ITCH: variants seen among roughly 807,000 people sequenced by gnomAD.
The protein encoded by ITCH is E3 ubiquitin-protein ligase Itchy homolog.
Under a neutral mutation model 126.8 loss-of-function variants are expected in ITCH, and 28 were observed. The observed-to-expected ratio is 0.22, with a 90% CI of 0.16 to 0.30. The LOEUF (loss-of-function observed/expected upper bound fraction) is 0.30. Among genes scored for constraint, ITCH ranks in the 10% least tolerant of loss-of-function variants. The pLI is 1.00. For synonymous variants in ITCH, 342 were observed against 340.0 expected, an observed-to-expected ratio of 1.01 and a Z score of -0.06; for missense variants, 631 against 1,032.4, an observed-to-expected ratio of 0.61 and a Z score of 5.33.
intron 3 of ITCH, among the ~76,000 whole-genome samples, chr20:34,407,448 T>C (rs981207239): frequency 2.0e-5 from 3 of 152,102 alleles, no homozygotes; most frequent in Non-Finnish European, 4.4e-5. Flanking sequence ...TGAAATTTTT[T>C]AGTAGAGACG....
chr20:34,476,479 C>T, intron 16 of ITCH: 5 of 1,213,002 alleles, frequency 4.1e-6, no homozygotes, highest in East Asian at 3.4e-5. Flanking sequence ...AGCCATCGCC[C>T]GCGGTCGGGA....
intron 23 of ITCH, among the ~76,000 whole-genome samples, chr20:34,499,388 G>C (rs1201272753): frequency 7.2e-6 from 1 of 139,218 alleles, no homozygotes; most frequent in East Asian, 2.3e-4. Context: ...ACTTATAATT[G>C]ATCTTTTCAG....
chr20:34,383,939 G>A (rs2038167444), intron 2 of ITCH, among the ~76,000 whole-genome samples: 1 of 149,884 alleles, frequency 6.7e-6, no homozygotes, highest in Non-Finnish European at 1.5e-5. Flanking sequence ...CTGCCTCCTG[G>A]GTTCAAGCTA....
chr20:34,504,443 C>A (rs1334283034), intron 24 of ITCH, 40 bp downstream of exon 24: 1 of 1,317,742 alleles, frequency 7.6e-7, no homozygotes, highest in Non-Finnish European at 1.1e-6. Context: ...CAGCTTTTGT[C>A]CAGTTATCTG....
At chr20:34,441,293 A>G (rs1429717618) in intron 9 of ITCH, among the ~76,000 whole-genome samples, 3 of 152,168 alleles carry the variant, frequency 2.0e-5, no homozygotes, top group African/African-American at 7.2e-5. Context: ...GAAAAATCAT[A>G]GCAAAGTGAT....
chr20:34,404,118 A>G (rs2038973460), intron 3 of ITCH, among the ~76,000 whole-genome samples: 1 of 152,116 alleles, frequency 6.6e-6, no homozygotes, highest in African/African-American at 2.4e-5. Context: ...GTGAGAGTAA[A>G]AACAGTTGTT....
intron 20 of ITCH, among the ~76,000 whole-genome samples, chr20:34,482,827 A>G (rs1988852595): frequency 6.6e-6 from 1 of 152,186 alleles, no homozygotes; most frequent in African/African-American, 2.4e-5. Flanking sequence ...ACACTGACCT[A>G]GCAGAGGTTC....
intron 24 of ITCH, among the ~76,000 whole-genome samples, chr20:34,506,244 T>C (rs554982908): frequency 1.0e-3 from 156 of 152,330 alleles, no homozygotes; most frequent in Non-Finnish European, 2.0e-3. Flanking sequence ...CTAAACTTTT[T>C]GTAGAGACAG....
intron 16 of ITCH, among the ~76,000 whole-genome samples, chr20:34,477,223 A>G (rs1988313605): frequency 6.6e-6 from 1 of 152,198 alleles, no homozygotes; most frequent in African/African-American, 2.4e-5. Flanking sequence ...ATAAGTCAAT[A>G]GTAGCATCAT....
intron 14 of ITCH, among the ~76,000 whole-genome samples, chr20:34,467,592 G>A (rs1987189353): frequency 6.6e-6 from 1 of 150,918 alleles, no homozygotes; most frequent in Non-Finnish European, 1.5e-5. Context: ...TCACTGGTAA[G>A]GTTCATCAAA....
At chr20:34,452,947 A>G (rs940496874) in intron 12 of ITCH, among the ~76,000 whole-genome samples, 2 of 152,234 alleles carry the variant, frequency 1.3e-5, no homozygotes, top group Non-Finnish European at 2.9e-5. Flanking sequence ...TGCTTCGCCA[A>G]TCAAGTATGA....
At chr20:34,442,735 AG>A (rs1983913922) in intron 10 of ITCH, among the ~76,000 whole-genome samples, 1 of 150,894 alleles carries the variant, frequency 6.6e-6, no homozygotes, top group African/African-American at 2.4e-5. Context: ...GCACTTTGGG[AG>A]GGCGAGGTGG....
chr20:34,505,914 T>G (rs1322682420), intron 24 of ITCH, among the ~76,000 whole-genome samples: 1 of 152,224 alleles, frequency 6.6e-6, no homozygotes, highest in African/African-American at 2.4e-5. Context: ...GGTTCATCCA[T>G]GGTCTAGCAT....
At chr20:34,474,215 G>A (rs1987914598) in intron 16 of ITCH, among the ~76,000 whole-genome samples, 1 of 151,910 alleles carries the variant, frequency 6.6e-6, no homozygotes, top group South Asian at 2.1e-4. Context: ...TCGCAGAGGG[G>A]GATTTGGCAG....
At chr20:34,460,468 A>T (rs1225685079) in intron 13 of ITCH, among the ~76,000 whole-genome samples, 21 of 150,822 alleles carry the variant, frequency 1.4e-4, no homozygotes, top group Non-Finnish European at 4.4e-5. Flanking sequence ...TCCTGGCAGT[A>T]TGTAGGAAAT....
intron 23 of ITCH, among the ~76,000 whole-genome samples, chr20:34,503,605 T>A (rs1363479416): frequency 6.6e-6 from 1 of 152,204 alleles, no homozygotes; most frequent in Non-Finnish European, 1.5e-5. Flanking sequence ...GTTATTGTCT[T>A]TCAAACTACT....
At chr20:34,387,658 A>C (rs902910372) in intron 2 of ITCH, among the ~76,000 whole-genome samples, 4 of 151,404 alleles carry the variant, frequency 2.6e-5, no homozygotes, top group Admixed American at 2.0e-4. Flanking sequence ...GTTTCTTTGT[A>C]ACTGACAGAC....
rs537893440 is a variant in ITCH at position 34,497,194 on chromosome 20, T to C, written c.2416+4597T>C. On this transcript the variant is annotated intron_variant, in intron 23 of 24. Transcript: ENST00000374864. ...TTATTTTTAATAGAGATAGGGTTTC[T>C]CTATGTTGGTCAGGCTGGTCTTGAA... 8.5e-5 allele frequency among the ~76,000 whole-genome samples: 13 copies of C among 152,148 alleles called. No homozygotes were observed. In the East Asian group the frequency reaches 2.5e-3, roughly 29 times the overall value.
intron 4 of ITCH, among the ~76,000 whole-genome samples, chr20:34,412,133 G>T (rs762147153): frequency 6.6e-6 from 1 of 152,138 alleles, no homozygotes; most frequent in Non-Finnish European, 1.5e-5. Context: ...CCATCTCATA[G>T]GGTTACTATA....
Sources: allele counts gnomAD v4.1 joint callset (sites outside exome capture counted in the v4.1 genomes callset), GRCh38; gene constraint gnomAD v4.1.1; transcripts MANE v1.5; gene names NCBI Gene and HGNC (gene_info 2026-07-23, HGNC 2026-07-21).